SOX5: variants seen among roughly 807,000 people sequenced by gnomAD.
SOX5 encodes SRY-box transcription factor 5.
Under a neutral mutation model 92.0 loss-of-function variants are expected in SOX5, and 9 were observed. The ratio of observed to expected loss-of-function variants is 0.10; its 90% CI spans 0.06 to 0.17. SOX5 has a LOEUF of 0.17. Among genes scored for constraint, SOX5 ranks in the 10% least tolerant of loss-of-function variants. The probability of loss-of-function intolerance (pLI) is 1.00; values close to 1 mark genes in which losing one functional copy is unlikely to be tolerated. For synonymous variants in SOX5, 344 were observed against 336.3 expected (o/e 1.02, Z -0.25); for missense variants, 642 against 944.5 (o/e 0.68, Z 4.20).
intron 4 of SOX5, among the ~76,000 whole-genome samples, chr12:24,063,698 C>T (rs1940156524): frequency 6.6e-6 from 1 of 152,148 alleles, no homozygotes; most frequent in African/African-American, 2.4e-5. Context: ...ATACCTGTCA[C>T]AGGTGAAGAA....
At chr12:23,877,828 A>G (rs1219535116) in intron 2 of SOX5, among the ~76,000 whole-genome samples, 3 of 152,066 alleles carry the variant, frequency 2.0e-5, no homozygotes, top group Non-Finnish European at 4.4e-5. Flanking sequence ...TCATATTTCC[A>G]TAACTACAAT....
At chr12:23,768,528 A>C (rs537578643) in intron 3 of SOX5, among the ~76,000 whole-genome samples, 1 of 152,294 alleles carries the variant, frequency 6.6e-6, no homozygotes, top group Non-Finnish European at 1.5e-5. Flanking sequence ...CCAATTCTTC[A>C]AAGGAGATGA....
chr12:23,806,010 A>G (rs754950976), intron 3 of SOX5, among the ~76,000 whole-genome samples: 4 of 152,218 alleles, frequency 2.6e-5, no homozygotes, highest in Non-Finnish European at 5.9e-5. Context: ...TAAAATTAGG[A>G]ATATGCTAAG....
intron 1 of SOX5, among the ~76,000 whole-genome samples, chr12:24,432,807 T>TA (rs1289882255): frequency 1.3e-5 from 2 of 151,912 alleles, no homozygotes; most frequent in South Asian, 2.1e-4. Context: ...CGAGACTGTC[T>TA]AAAAAAAACA....
intron 3 of SOX5, among the ~76,000 whole-genome samples, chr12:23,775,983 C>T (rs1352980502): frequency 3.3e-5 from 5 of 152,084 alleles, no homozygotes; most frequent in South Asian, 2.1e-4. Context: ...ACGATGGTTT[C>T]GAGACGAAAC....
chr12:24,017,564 C>T lies in SOX5; in HGVS notation c.-1-121540G>A, dbSNP rs572662095. Reference sequence around the variant, plus strand: ...GCAGTGAGCCAAGATCGCGCCCCTGCACTCCAGCCTGGGTGACAGAGTGAG... The same window carrying T: ...GCAGTGAGCCAAGATCGCGCCCCTGTACTCCAGCCTGGGTGACAGAGTGAG... On this transcript the variant is annotated intron_variant, in intron 4 of 4. Transcript: ENST00000446891. Among the ~76,000 whole-genome samples the T allele has an allele frequency of 3.3e-5, 5 of 152,124 alleles. No homozygotes were observed. In the East Asian group the frequency reaches 9.7e-4, roughly 29 times the overall value.
chr12:24,499,491 C>T (rs1306370289), intron 1 of SOX5, among the ~76,000 whole-genome samples: 1 of 152,162 alleles, frequency 6.6e-6, no homozygotes, highest in African/African-American at 2.4e-5. Flanking sequence ...CTGGAGCATG[C>T]TCAGGAAGGA....
In SOX5 at chr12:23,578,962, C is replaced by A. The variant is rs1310871179; in HGVS notation, c.1165-3124G>T. Among the ~76,000 whole-genome samples the A allele has an allele frequency of 2.8e-5, 4 of 141,692 alleles. No homozygotes were observed. The East Asian group carries it at 8.6e-4, about 30-fold the overall frequency. 93.0% of individuals were successfully genotyped at this position (141,692 alleles called of 152,430 possible). ...CAAAACAAAGCAAAGCAAAGCAAAGCAAAGAAAAAGAAAGCAAAGAGAAAA... is the reference window on the plus strand; with the variant it reads ...CAAAACAAAGCAAAGCAAAGCAAAGAAAAGAAAAAGAAAGCAAAGAGAAAA... On this transcript the variant is annotated intron_variant, in intron 9 of 14. Coordinates refer to ENST00000451604, the MANE Select transcript of SOX5 (RefSeq NM_006940.6).
chr12:23,552,880 T>C (rs1591998795), intron 11 of SOX5, among the ~76,000 whole-genome samples: 2 of 151,978 alleles, frequency 1.3e-5, no homozygotes, highest in African/African-American at 4.8e-5. Flanking sequence ...TTCAATTCTA[T>C]GATTTTATGT....
chr12:24,095,126 C>G (rs61910058), intron 4 of SOX5, among the ~76,000 whole-genome samples: 36,122 of 83,662 alleles, frequency 0.43, 5,871 homozygotes, highest in East Asian at 0.66. Flanking sequence ...CACACACACA[C>G]ACAGAGAGAG....
intron 7 of SOX5, among the ~76,000 whole-genome samples, chr12:23,651,987 C>T (rs115976184): frequency 0.013 from 1,935 of 151,928 alleles, 33 homozygotes; most frequent in African/African-American, 0.044. Flanking sequence ...TGCACAATTA[C>T]CTCCTATCCT....
chr12:23,616,467 T>G (rs937547201), intron 8 of SOX5, among the ~76,000 whole-genome samples: 2 of 152,150 alleles, frequency 1.3e-5, no homozygotes, highest in Non-Finnish European at 2.9e-5. Context: ...GAGTCCCCGT[T>G]GGGGAAGAAT....
chr12:24,353,206 G>A (rs993908763), intron 2 of SOX5, among the ~76,000 whole-genome samples: 15 of 152,182 alleles, frequency 9.9e-5, no homozygotes, highest in African/African-American at 3.6e-4. Context: ...GTGTCAATGT[G>A]CTGTGTCAAG....
At chr12:23,779,812 T>TACACACAC (rs1381686254) in intron 3 of SOX5, among the ~76,000 whole-genome samples, 13 of 74,624 alleles carry the variant, frequency 1.7e-4, no homozygotes, top group African/African-American at 8.4e-4. Context: ...TATATATATA[T>TACACACAC]ATACACACAC....
chr12:23,669,857 A>C (rs1264601315), intron 6 of SOX5, among the ~76,000 whole-genome samples: 1 of 152,122 alleles, frequency 6.6e-6, no homozygotes, highest in Non-Finnish European at 1.5e-5. Context: ...ATGATGTTGC[A>C]TTGCAGTTAT....
chr12:24,292,589 T>C (rs994553857), intron 2 of SOX5, among the ~76,000 whole-genome samples: 10 of 152,182 alleles, frequency 6.6e-5, no homozygotes, highest in Non-Finnish European at 1.5e-4. Flanking sequence ...TTTTGACCTT[T>C]TCACATAGAC....
At chr12:24,061,295 G>A (rs1358402195) in intron 4 of SOX5, among the ~76,000 whole-genome samples, 1 of 152,072 alleles carries the variant, frequency 6.6e-6, no homozygotes, top group Non-Finnish European at 1.5e-5. Context: ...AGTATTAAGG[G>A]ACACCAAAAG....
intron 7 of SOX5, among the ~76,000 whole-genome samples, chr12:23,648,679 C>G (rs900528028): frequency 3.3e-5 from 5 of 152,092 alleles, no homozygotes; most frequent in African/African-American, 1.2e-4. Flanking sequence ...ACACTCTGAT[C>G]TCAGCTATAC....
chr12:23,620,705 T>C, intron 8 of SOX5, among the ~76,000 whole-genome samples: 1 of 152,096 alleles, frequency 6.6e-6, no homozygotes, highest in East Asian at 1.9e-4. Flanking sequence ...AATAGCACCT[T>C]GCATTTACAA....
Sources: gnomAD v4.1 joint callset for allele counts (sites outside exome capture counted in the v4.1 genomes callset) on GRCh38, gnomAD v4.1.1 for gene constraint, MANE v1.5 for transcripts, NCBI Gene and HGNC (gene_info 2026-07-23, HGNC 2026-07-21) for gene names.